The following TRIP13 variants were observed in gnomAD, a reference collection of about 807,000 sequenced individuals.
TRIP13 encodes thyroid hormone receptor interactor 13, also known as pachytene checkpoint protein 2 homolog.
In TRIP13, 25 loss-of-function variants were observed where a neutral mutation model predicts 54.4. That is an observed-to-expected ratio of 0.46 (90% CI 0.33 to 0.64). The LOEUF (loss-of-function observed/expected upper bound fraction) is 0.64, where lower values mean the gene tolerates loss of function less well. Among genes scored for constraint, TRIP13 ranks in the 30% least tolerant of loss-of-function variants. The pLI is 0.02. For synonymous variants in TRIP13, 207 were observed against 207.8 expected (o/e 1.00, Z 0.03); for missense variants, 373 against 534.2 (o/e 0.70, Z 2.97).
chr5:915,773 C>T lies in TRIP13; in HGVS notation c.1134-131C>T. 1.1e-6 allele frequency: 1 copy of T among 888,012 alleles called. No individual in the cohort carries two copies. Among genetic ancestry groups the T allele is most frequent in the Non-Finnish European group, 1.9e-6 (1 of 539,134 alleles). 55.0% of individuals were successfully genotyped at this position (888,012 alleles called of 1,614,324 possible). On this transcript the variant is annotated intron_variant, in intron 11 of 12. Coordinates refer to ENST00000166345, the MANE Select transcript of TRIP13 (RefSeq NM_004237.4). The surrounding 1 kb of genome is among the most constrained non-coding windows in gnomAD (Gnocchi z 4.2). ...AGACCAGTGAGGGGCAGGAAGTGCC[C>T]TGTGAACCCAGGGTGTGCTTGGGAC... is the stretch of plus-strand genomic sequence containing the variant.
intron 2 of TRIP13, 122 bp downstream of exon 2, chr5:895,074 T>G (rs1043613184): frequency 2.6e-6 from 3 of 1,147,712 alleles, no homozygotes; most frequent in Admixed American, 5.1e-5. Context: ...TTGGTTTGGG[T>G]GGCTAGACAA....
intron 2 of TRIP13, 135 bp from the exon 3 acceptor site, chr5:896,530 C>T (rs1753919013): frequency 3.4e-6 from 3 of 884,746 alleles, no homozygotes; most frequent in Admixed American, 3.2e-5. Context: ...ATAGCCTTCT[C>T]ATCTAATCTG....
chr5:904,758 A>G (rs1227823223), intron 6 of TRIP13, among the ~76,000 whole-genome samples: 4 of 151,924 alleles, frequency 2.6e-5, no homozygotes, highest in Admixed American at 1.3e-4. Context: ...GATTTTCTAC[A>G]TCGTCTAATC....
chr5:906,337 C>G (rs1754114925), intron 6 of TRIP13, among the ~76,000 whole-genome samples: 1 of 149,848 alleles, frequency 6.7e-6, no homozygotes, highest in Non-Finnish European at 1.5e-5. Context: ...GAAGTCCTAG[C>G]AAGACTTTTC....
intron 9 of TRIP13, among the ~76,000 whole-genome samples, chr5:910,265 G>C (rs150507776): frequency 6.6e-6 from 1 of 152,236 alleles, no homozygotes; most frequent in African/African-American, 2.4e-5. Flanking sequence ...GAATCTCTTT[G>C]TGCCTCCCTC....
Position 912,419 on chromosome 5 carries a change from A to G in TRIP13, c.1020+423A>G, listed in dbSNP as rs13358989. Among the ~76,000 whole-genome samples the G allele has an allele frequency of 0.14, 20,893 of 151,996 alleles. 2,888 individuals carry two copies. The highest frequency in any genetic ancestry group is 0.36 in the African/African-American group (14,884 of 41,402). On this transcript the variant is annotated intron_variant, in intron 10 of 12. Transcript: ENST00000166345. The surrounding 1 kb of genome is among the most constrained non-coding windows in gnomAD (Gnocchi z 7.2). ...GCCTGGTTTTGGTCACGGGGTCCAC[A>G]TGACGTCACGTTCTTGAGTCGCCTG...
At position 908,183 on chromosome 5, in the gene TRIP13, C is replaced by A; in HGVS notation, c.759+109C>A. The A allele has an allele frequency of 7.0e-7, 1 of 1,427,246 alleles. No individual in the cohort carries two copies. Among genetic ancestry groups the A allele is most frequent in the Non-Finnish European group, 9.8e-7 (1 of 1,017,306 alleles). The allele number at this position is 1,427,246 out of a possible 1,614,324, so 88.4% of individuals were successfully genotyped here. On this transcript the variant is annotated intron_variant, in intron 8 of 12. Transcript: ENST00000166345. This position sits in a 1 kb window ranked among gnomAD's most constrained non-coding sequence, Gnocchi z 5.2. ...TTTCCCCTCCTACAGCCGGGCTGCC[C>A]TCTATCCCTCCCTGCACTGTGCGCC...
chr5:909,596 C>A (rs1464379506), intron 9 of TRIP13, among the ~76,000 whole-genome samples: 3 of 152,066 alleles, frequency 2.0e-5, no homozygotes, highest in Admixed American at 6.5e-5. Flanking sequence ...ATTAAAGACA[C>A]ACACACACAC....
rs1753694050 is a variant in TRIP13 at position 892,960 on chromosome 5, C to G, written c.-39C>G. The G allele has an allele frequency of 6.9e-7, 1 of 1,454,774 alleles. No homozygotes were observed. Among genetic ancestry groups the G allele is most frequent in the Non-Finnish European group, 9.0e-7 (1 of 1,105,108 alleles). 90.1% of individuals were successfully genotyped at this position (1,454,774 alleles called of 1,614,324 possible). ...GACGCTGGGCGTGAGGTGGCGGCGGCCGCGCCCTGGTTGGGTCCCCACTGC... is the reference window on the plus strand; with the variant it reads ...GACGCTGGGCGTGAGGTGGCGGCGGGCGCGCCCTGGTTGGGTCCCCACTGC... On this transcript the variant is annotated 5_prime_UTR_variant, in exon 1 of 13. Transcript: ENST00000166345.
chr5:895,681 G>C (rs1489811540), intron 2 of TRIP13, among the ~76,000 whole-genome samples: 2 of 152,218 alleles, frequency 1.3e-5, no homozygotes, highest in Non-Finnish European at 2.9e-5. Flanking sequence ...GGAAGGAAGA[G>C]CTTCCCACAC....
At chr5:904,495 T>C (rs1293034974) in intron 6 of TRIP13, among the ~76,000 whole-genome samples, 1 of 152,216 alleles carries the variant, frequency 6.6e-6, no homozygotes, top group Non-Finnish European at 1.5e-5. Context: ...CGTCTCTAAT[T>C]ACGGATTTGT....
chr5:911,974 CTTGTT>C lies in TRIP13; in HGVS notation c.1000_1004del (p.Cys334GlyfsTer28). On this transcript the variant is annotated frameshift_variant, in exon 10 of 13. Coordinates refer to ENST00000166345, the MANE Select transcript of TRIP13 (RefSeq NM_004237.4). LOFTEE classifies it high-confidence loss of function. The surrounding 1 kb of genome is among the most constrained non-coding windows in gnomAD (Gnocchi z 4.7). The stretch of plus-strand genomic sequence containing the variant: ...GCAGCCATCTTCAAAATCTACCTCT[CTTGTT>C]TGGAAGAACTGATGAAGGTACCTTT... The C allele has an allele frequency of 6.2e-7, 1 of 1,612,022 alleles. No individual in the cohort carries two copies. The highest frequency in any genetic ancestry group is 8.5e-7 in the Non-Finnish European group (1 of 1,179,488).
At chr5:893,113 A>C (rs1753715953) in intron 1 of TRIP13, 23 bp downstream of exon 1, 2 of 1,564,668 alleles carry the variant, frequency 1.3e-6, no homozygotes, top group Non-Finnish European at 1.7e-6. Flanking sequence ...TGTCCGACAC[A>C]TCCTCTGGGC....
In TRIP13 at chr5:914,583, A is replaced by T. The variant is rs926442502; in HGVS notation, c.1133+6A>T. ...CTTTTGAATGACATTTCAAGGTGCA[A>T]ATTGACCTCATTTTTGTAATCAAGA... On this transcript the variant is annotated splice_donor_region_variant and intron_variant, in intron 11 of 12. Transcript: ENST00000166345. 6.2e-7 allele frequency: 1 copy of T among 1,601,824 alleles called. No homozygotes were observed. Among genetic ancestry groups the T allele is most frequent in the Non-Finnish European group, 8.5e-7 (1 of 1,170,018 alleles).
chr5:916,435 G>A (rs898173095), intron 12 of TRIP13, among the ~76,000 whole-genome samples: 2 of 152,242 alleles, frequency 1.3e-5, no homozygotes, highest in African/African-American at 4.8e-5. Flanking sequence ...CTCAGTGTCT[G>A]GCAGAGCAGA....
In TRIP13 at chr5:907,098, G is replaced by A. The variant is rs1344570925; in HGVS notation, c.609-32G>A. The A allele has an allele frequency of 6.2e-7, 1 of 1,602,292 alleles. No individual in the cohort carries two copies. The highest frequency in any genetic ancestry group is 1.1e-5 in the South Asian group (1 of 90,758). On this transcript the variant is annotated intron_variant, in intron 6 of 12. Transcript: ENST00000166345. The surrounding 1 kb of genome is among the most constrained non-coding windows in gnomAD (Gnocchi z 4.1). ...CGCTGAGGATCCACAGGACCAGTTA[G>A]TAATTCTCTCAACTCCTTTTTTCTA... is the stretch of plus-strand genomic sequence containing the variant.
At chr5:901,765 G>A (rs1028230646) in intron 5 of TRIP13, among the ~76,000 whole-genome samples, 2 of 152,186 alleles carry the variant, frequency 1.3e-5, no homozygotes, top group Non-Finnish European at 2.9e-5. Flanking sequence ...TGGGATTACA[G>A]GCATGCGCCA....
intron 4 of TRIP13, among the ~76,000 whole-genome samples, chr5:900,752 G>C (rs952373420): frequency 6.6e-6 from 1 of 152,298 alleles, no homozygotes; most frequent in South Asian, 2.1e-4. Flanking sequence ...AGGGAGAAGA[G>C]GGAAAGGGAG....
chr5:893,130 C>G (rs1345692957), intron 1 of TRIP13, 40 bp downstream of exon 1: 2 of 1,523,582 alleles, frequency 1.3e-6, no homozygotes, highest in Non-Finnish European at 1.8e-6. Context: ...GGGCACCCAC[C>G]CGCCCCGACC....
Sources: allele counts gnomAD v4.1 joint callset (sites outside exome capture counted in the v4.1 genomes callset), GRCh38; gene constraint gnomAD v4.1.1; non-coding constraint Gnocchi (gnomAD v3.1); transcripts MANE v1.5; gene names NCBI Gene and HGNC (gene_info 2026-07-23, HGNC 2026-07-21).